The following IL1RAPL1 variants were observed in gnomAD, a reference collection of about 807,000 sequenced individuals.
IL1RAPL1 encodes interleukin 1 receptor accessory protein like 1, also known as interleukin-1 receptor accessory protein-like 1.
In IL1RAPL1, 3 loss-of-function variants were observed where a neutral mutation model predicts 48.4. The ratio of observed to expected loss-of-function variants is 0.06; its 90% CI spans 0.03 to 0.16. IL1RAPL1 has a LOEUF of 0.16. Among genes scored for constraint, IL1RAPL1 ranks in the 10% least tolerant of loss-of-function variants. The probability of loss-of-function intolerance (pLI) is 1.00; values close to 1 mark genes in which losing one functional copy is unlikely to be tolerated. For missense variants in IL1RAPL1, 349 were observed against 530.6 expected (o/e 0.66, Z 3.36); for synonymous variants, 185 against 187.7 (o/e 0.99, Z 0.12).
intron 5 of IL1RAPL1, among the ~76,000 whole-genome samples, chrX:29,410,068 C>A (rs745535651): frequency 2.7e-5 from 3 of 110,658 alleles, no homozygotes; most frequent in Non-Finnish European, 5.7e-5. Context: ...GTGATCCACC[C>A]GCCTCGGCCT....
At chrX:29,337,831 C>T (rs189777656) in intron 3 of IL1RAPL1, among the ~76,000 whole-genome samples, 21 of 109,979 alleles carry the variant, frequency 1.9e-4, no homozygotes, top group Admixed American at 4.9e-4. Flanking sequence ...CCCGTCACCA[C>T]GCCCGGCTAA....
intron 2 of IL1RAPL1, among the ~76,000 whole-genome samples, chrX:28,956,812 G>C (rs1246622586): frequency 9.4e-6 from 1 of 106,757 alleles, no homozygotes; most frequent in East Asian, 2.9e-4. Context: ...TTTTTCTATT[G>C]ATTGGAATAG....
intron 1 of IL1RAPL1, among the ~76,000 whole-genome samples, chrX:28,674,646 G>A (rs1934980136): frequency 9.0e-6 from 1 of 111,440 alleles, no homozygotes; most frequent in Non-Finnish European, 1.9e-5. Flanking sequence ...TGGAACATAT[G>A]GTCCTCTTGG....
intron 2 of IL1RAPL1, among the ~76,000 whole-genome samples, chrX:28,890,011 TA>T (rs1303548856): frequency 8.9e-6 from 1 of 111,860 alleles, no homozygotes; most frequent in Non-Finnish European, 1.9e-5. Context: ...TAAACTCTGA[TA>T]GTTGCTTTAA....
chrX:29,131,345 CT>C (rs1330692376), intron 2 of IL1RAPL1, among the ~76,000 whole-genome samples: 1 of 109,758 alleles, frequency 9.1e-6, no homozygotes, highest in African/African-American at 3.3e-5. Flanking sequence ...AAGATCTTGT[CT>C]AATATTTTGG....
intron 2 of IL1RAPL1, among the ~76,000 whole-genome samples, chrX:29,256,709 A>G (rs925597442): frequency 9.0e-6 from 1 of 111,292 alleles, no homozygotes; most frequent in African/African-American, 3.3e-5. Context: ...CCTTATCTAT[A>G]TAAATGATGA....
intron 5 of IL1RAPL1, among the ~76,000 whole-genome samples, chrX:29,603,338 CTT>C: frequency 1.8e-5 from 2 of 109,527 alleles, no homozygotes; most frequent in Admixed American, 1.9e-4. Context: ...ACTAGTATGA[CTT>C]TTTAAAATTA....
At chrX:29,307,043 A>G (rs140550769) in intron 3 of IL1RAPL1, among the ~76,000 whole-genome samples, 35 of 110,457 alleles carry the variant, frequency 3.2e-4, no homozygotes, top group African/African-American at 1.1e-3. Context: ...CCTTCAAAGC[A>G]CTTTCCCCTA....
chrX:29,462,153 C>CT (rs5901921), intron 5 of IL1RAPL1, among the ~76,000 whole-genome samples: 3 of 109,735 alleles, frequency 2.7e-5, no homozygotes, highest in East Asian at 2.8e-4. Context: ...ATAAGTAAAA[C>CT]TTTTTTTTTG....
intron 5 of IL1RAPL1, among the ~76,000 whole-genome samples, chrX:29,593,097 G>A (rs184528395): frequency 8.9e-6 from 1 of 112,087 alleles, no homozygotes; most frequent in East Asian, 2.8e-4. Flanking sequence ...AGCTCCAACA[G>A]TTCTTTTCCC....
intron 3 of IL1RAPL1, among the ~76,000 whole-genome samples, chrX:29,307,003 C>T (rs1253895653): frequency 9.0e-6 from 1 of 110,982 alleles, no homozygotes; most frequent in Non-Finnish European, 1.9e-5. Flanking sequence ...AGCCCTTTAC[C>T]GTCTCTCCTG....
chrX:29,735,416 C>T (rs1451751881), intron 6 of IL1RAPL1, among the ~76,000 whole-genome samples: 1 of 111,672 alleles, frequency 9.0e-6, no homozygotes, highest in Admixed American at 9.5e-5. Flanking sequence ...TTAATTACCC[C>T]TTGCCATCTA....
intron 5 of IL1RAPL1, among the ~76,000 whole-genome samples, chrX:29,509,348 T>G (rs998151796): frequency 1.8e-5 from 2 of 112,167 alleles, no homozygotes; most frequent in Admixed American, 9.4e-5. Flanking sequence ...TTATGGACTT[T>G]AATCTGGTCT....
intron 6 of IL1RAPL1, among the ~76,000 whole-genome samples, chrX:29,768,496 A>G (rs1028746850): frequency 2.7e-5 from 3 of 111,450 alleles, no homozygotes; most frequent in Non-Finnish European, 5.6e-5. Context: ...ACCTCTGTAC[A>G]ATGCCCGCCA....
intron 2 of IL1RAPL1, among the ~76,000 whole-genome samples, chrX:28,982,490 G>A (rs1925366984): frequency 8.9e-6 from 1 of 112,078 alleles, no homozygotes; most frequent in Non-Finnish European, 1.9e-5. Context: ...TGTTCATATG[G>A]CGCTCTTCAG....
At chrX:28,956,471 AG>A (rs1364966946) in intron 2 of IL1RAPL1, among the ~76,000 whole-genome samples, 3 of 110,773 alleles carry the variant, frequency 2.7e-5, no homozygotes, top group Non-Finnish European at 5.7e-5. Context: ...TTTAGCATGA[AG>A]GGTTGCTGAA....
At chrX:29,810,410 C>T (rs1205401200) in intron 6 of IL1RAPL1, among the ~76,000 whole-genome samples, 1 of 110,498 alleles carries the variant, frequency 9.0e-6, no homozygotes, top group African/African-American at 3.3e-5. Context: ...AGGCTGGTCT[C>T]GAACTCCTGA....
chrX:29,922,350 T>C (rs945692472), intron 8 of IL1RAPL1, among the ~76,000 whole-genome samples: 1 of 112,117 alleles, frequency 8.9e-6, no homozygotes, highest in African/African-American at 3.2e-5. Context: ...AGTACTTAAG[T>C]CTTTTAGTAT....
chrX:28,913,848 G>A (rs900248629), intron 2 of IL1RAPL1, among the ~76,000 whole-genome samples: 3 of 111,425 alleles, frequency 2.7e-5, no homozygotes, highest in African/African-American at 9.8e-5. Context: ...TATGACTTCC[G>A]CTTTCTCACC....
Sources: allele counts gnomAD v4.1 joint callset (sites outside exome capture counted in the v4.1 genomes callset), GRCh38; gene constraint gnomAD v4.1.1; transcripts MANE v1.5; gene names NCBI Gene and HGNC (gene_info 2026-07-23, HGNC 2026-07-21).